The following RPS6KC1 variants were observed in gnomAD, a reference collection of about 807,000 sequenced individuals.
RPS6KC1 encodes ribosomal protein S6 kinase C1.
RPS6KC1 carries 54 observed loss-of-function variants against 103.8 expected under a neutral mutation model. That is an observed-to-expected ratio of 0.52 (90% CI 0.42 to 0.65). The LOEUF (loss-of-function observed/expected upper bound fraction) is 0.65, where lower values mean the gene tolerates loss of function less well. Among genes scored for constraint, RPS6KC1 ranks in the 30% least tolerant of loss-of-function variants. RPS6KC1 has a pLI of 0.00. For synonymous variants in RPS6KC1, 439 were observed against 438.7 expected, an observed-to-expected ratio of 1.00 and a Z score of -0.01; for missense variants, 1,151 against 1,253.8, an observed-to-expected ratio of 0.92 and a Z score of 1.24.
the RPS6KC1 span, among the ~76,000 whole-genome samples, chr1:213,544,034 C>G: frequency 6.6e-6 from 1 of 151,728 alleles, no homozygotes; most frequent in Non-Finnish European, 1.5e-5. Flanking sequence ...TGCACACACA[C>G]TCAAAGAGAA....
At position 213,189,768 on chromosome 1, in the gene RPS6KC1, A is replaced by C. The variant is rs558445339; in HGVS notation, c.1044+13276A>C. The stretch of plus-strand genomic sequence containing the variant: ...GTTATTAATTCTATTTTTTGTACCC[A>C]TTGTCCCTTCCCACTTCCCCTTCCG... On this transcript the variant is annotated intron_variant, in intron 8 of 14. Transcript: ENST00000366960. Among the ~76,000 whole-genome samples the C allele has an allele frequency of 5.2e-4, 79 of 151,968 alleles. 1 individual carries two copies. Among genetic ancestry groups the C allele is most frequent in the African/African-American group, 1.9e-3 (78 of 41,480 alleles).
At chr1:213,442,473 C>G in the RPS6KC1 span, among the ~76,000 whole-genome samples, 1 of 152,182 alleles carries the variant, frequency 6.6e-6, no homozygotes, top group African/African-American at 2.4e-5. Flanking sequence ...GGGTAGAAAA[C>G]TTGGGTTGGG....
At chr1:213,855,698 C>A in the RPS6KC1 span, among the ~76,000 whole-genome samples, 1 of 152,216 alleles carries the variant, frequency 6.6e-6, no homozygotes, top group African/African-American at 2.4e-5. Context: ...GAGCTGGCTA[C>A]CCGGTCCACT....
At chr1:213,159,682 T>C (rs1174943049) in intron 6 of RPS6KC1, among the ~76,000 whole-genome samples, 1 of 152,222 alleles carries the variant, frequency 6.6e-6, no homozygotes, top group Non-Finnish European at 1.5e-5. Flanking sequence ...CTCGTCTAAA[T>C]ATTTTCATTC....
chr1:213,271,724 A>G (rs986228929), intron 14 of RPS6KC1, among the ~76,000 whole-genome samples: 4 of 143,854 alleles, frequency 2.8e-5, no homozygotes, highest in Non-Finnish European at 4.5e-5. Flanking sequence ...AGATCGCGCC[A>G]CTGCACTCCA....
the RPS6KC1 span, among the ~76,000 whole-genome samples, chr1:213,654,069 G>A: frequency 2.0e-5 from 3 of 152,174 alleles, no homozygotes; most frequent in South Asian, 2.1e-4. Flanking sequence ...TAGAACCAAC[G>A]CCAGATGGCA....
intron 10 of RPS6KC1, among the ~76,000 whole-genome samples, chr1:213,239,475 C>G (rs1388697328): frequency 6.6e-6 from 1 of 152,106 alleles, no homozygotes; most frequent in Non-Finnish European, 1.5e-5. Flanking sequence ...GGTACCATGT[C>G]AGGTGCTATG....
At chr1:213,185,810 T>C (rs1183418530) in intron 8 of RPS6KC1, among the ~76,000 whole-genome samples, 1 of 152,018 alleles carries the variant, frequency 6.6e-6, no homozygotes, top group Non-Finnish European at 1.5e-5. Context: ...TCTGTCTTTG[T>C]GGGTAAGTAC....
At chr1:213,264,214 T>A (rs1412256382) in intron 14 of RPS6KC1, among the ~76,000 whole-genome samples, 1 of 152,144 alleles carries the variant, frequency 6.6e-6, no homozygotes, top group East Asian at 1.9e-4. Flanking sequence ...TTCAGGAAGA[T>A]TAATTTGCCC....
chr1:213,491,156 T>C, the RPS6KC1 span, among the ~76,000 whole-genome samples: 1 of 152,138 alleles, frequency 6.6e-6, no homozygotes, highest in Admixed American at 6.5e-5. Context: ...AATGTGTCTG[T>C]TATCTGGCAA....
At chr1:213,130,032 G>C in intron 6 of RPS6KC1, 143 bp downstream of exon 6, 5 of 722,966 alleles carry the variant, frequency 6.9e-6, no homozygotes, top group Non-Finnish European at 1.1e-5. Flanking sequence ...ACCTATATAT[G>C]GATATATACT....
chr1:213,363,713 T>TC, the RPS6KC1 span, among the ~76,000 whole-genome samples: 1 of 122,194 alleles, frequency 8.2e-6, no homozygotes, highest in African/African-American at 3.8e-5. Flanking sequence ...CTTCTTTCTT[T>TC]CTTTCTTTCT....
the RPS6KC1 span, among the ~76,000 whole-genome samples, chr1:213,628,524 C>T: frequency 6.6e-6 from 1 of 151,998 alleles, no homozygotes; most frequent in Non-Finnish European, 1.5e-5. Flanking sequence ...ATATGCACAG[C>T]ATGCAGGTTA....
the RPS6KC1 span, among the ~76,000 whole-genome samples, chr1:213,617,279 T>G: frequency 6.6e-6 from 1 of 152,174 alleles, no homozygotes; most frequent in Admixed American, 6.5e-5. Context: ...AACCATATTC[T>G]GCCAGGTCCC....
At chr1:213,797,963 A>G in the RPS6KC1 span, among the ~76,000 whole-genome samples, 1 of 152,208 alleles carries the variant, frequency 6.6e-6, no homozygotes, top group Non-Finnish European at 1.5e-5. Context: ...CTCTCAAGAG[A>G]GGAGGCCTCT....
At chr1:213,507,400 C>G in the RPS6KC1 span, among the ~76,000 whole-genome samples, 1 of 152,078 alleles carries the variant, frequency 6.6e-6, no homozygotes, top group African/African-American at 2.4e-5. Flanking sequence ...TGCAGTTGAC[C>G]TGGGTAGAGG....
the RPS6KC1 span, among the ~76,000 whole-genome samples, chr1:213,755,139 G>C: frequency 6.6e-6 from 1 of 152,246 alleles, no homozygotes; most frequent in African/African-American, 2.4e-5. Context: ...GGGGAGTGAG[G>C]CAGAAAAGGA....
At chr1:213,190,750 G>A (rs905174600) in intron 8 of RPS6KC1, among the ~76,000 whole-genome samples, 3 of 152,022 alleles carry the variant, frequency 2.0e-5, no homozygotes, top group African/African-American at 4.8e-5. Context: ...GGAGAGTTTC[G>A]CCAGTGTTTT....
chr1:213,115,423 G>T (rs547485448), intron 4 of RPS6KC1, among the ~76,000 whole-genome samples: 2 of 151,618 alleles, frequency 1.3e-5, no homozygotes, highest in Non-Finnish European at 2.9e-5. Flanking sequence ...TTTTTATTGC[G>T]TCTATTTGAT....
Sources: gnomAD v4.1 joint callset for allele counts (sites outside exome capture counted in the v4.1 genomes callset) on GRCh38, gnomAD v4.1.1 for gene constraint, MANE v1.5 for transcripts, NCBI Gene and HGNC (gene_info 2026-07-23, HGNC 2026-07-21) for gene names.